PTPRD: variants seen among roughly 807,000 people sequenced by gnomAD.
The protein encoded by PTPRD is protein tyrosine phosphatase receptor type D.
Under a neutral mutation model 214.5 loss-of-function variants are expected in PTPRD, and 34 were observed. The ratio of observed to expected loss-of-function variants is 0.16; its 90% CI spans 0.12 to 0.21. The LOEUF (loss-of-function observed/expected upper bound fraction) is 0.21. Ranked by LOEUF, PTPRD falls within the 10% of genes least tolerant of loss-of-function variation. The pLI is 1.00. For synonymous variants in PTPRD, 1,128 were observed against 845.7 expected, an observed-to-expected ratio of 1.33 and a Z score of -5.79; for missense variants, 2,545 against 2,398.7, an observed-to-expected ratio of 1.06 and a Z score of -1.27.
intron 10 of PTPRD, among the ~76,000 whole-genome samples, chr9:9,039,453 G>C (rs1229349135): frequency 1.3e-5 from 2 of 152,124 alleles, no homozygotes; most frequent in Non-Finnish European, 2.9e-5. Context: ...CGAACACAGA[G>C]GCCTACAAAC....
intron 39 of PTPRD, among the ~76,000 whole-genome samples, chr9:8,369,580 T>C (rs1361642078): frequency 6.6e-6 from 1 of 151,648 alleles, no homozygotes; most frequent in Non-Finnish European, 1.5e-5. Flanking sequence ...ATGATTGTGA[T>C]AGATTTAAGT....
At chr9:9,819,718 T>G (rs56412351) in intron 5 of PTPRD, among the ~76,000 whole-genome samples, 35,859 of 151,986 alleles carry the variant, frequency 0.24, 4,944 homozygotes, top group African/African-American at 0.39. Context: ...TTCATGTCCA[T>G]GAGCATCCGA....
At chr9:9,618,348 A>G (rs2095030676) in intron 7 of PTPRD, among the ~76,000 whole-genome samples, 1 of 152,034 alleles carries the variant, frequency 6.6e-6, no homozygotes, top group Admixed American at 6.6e-5. Context: ...ATTAGAGACT[A>G]CACTTTAACC....
chr9:10,457,604 G>T (rs1399889298), intron 2 of PTPRD, among the ~76,000 whole-genome samples: 1 of 151,930 alleles, frequency 6.6e-6, no homozygotes, highest in Non-Finnish European at 1.5e-5. Flanking sequence ...AAATCTCTAG[G>T]TGAACTATTA....
At chr9:9,435,737 G>T (rs896207061) in intron 8 of PTPRD, among the ~76,000 whole-genome samples, 4 of 152,006 alleles carry the variant, frequency 2.6e-5, no homozygotes, top group African/African-American at 9.7e-5. Context: ...TTAATATTTG[G>T]TTTTCAATAC....
chr9:10,438,013 A>ATATATATAT lies in PTPRD; in HGVS notation c.-599-97005_-599-96997dup, dbSNP rs1287157620. ...CTATCAGCTCCCTAAGTCTACATATATATATATATATATATAGTGAAGGGT... is the reference window on the plus strand; with the variant it reads ...CTATCAGCTCCCTAAGTCTACATATATATATATATTATATATATATATATAGTGAAGGGT... On this transcript the variant is annotated intron_variant, in intron 2 of 45. Coordinates refer to ENST00000381196, the MANE Select transcript of PTPRD (RefSeq NM_002839.4). Among the ~76,000 whole-genome samples the ATATATATAT allele has an allele frequency of 2.2e-3, 266 of 120,114 alleles. 28 individuals are homozygous for ATATATATAT. Among genetic ancestry groups the ATATATATAT allele is most frequent in the African/African-American group, 0.016 (261 of 16,550 alleles). 78.8% of individuals were successfully genotyped at this position (120,114 alleles called of 152,430 possible).
At chr9:8,526,779 CT>C (rs1420520812) in intron 16 of PTPRD, 135 bp from the exon 17 acceptor site, 1 of 614,996 alleles carries the variant, frequency 1.6e-6, no homozygotes, top group East Asian at 3.0e-5. Flanking sequence ...ACTTGAATTA[CT>C]ATATTGGTAA....
At chr9:9,840,309 T>A (rs1394182667) in intron 5 of PTPRD, among the ~76,000 whole-genome samples, 1 of 152,160 alleles carries the variant, frequency 6.6e-6, no homozygotes, top group Non-Finnish European at 1.5e-5. Context: ...TGTATTTTCT[T>A]ATTTTTTCTA....
chr9:9,642,159 G>C (rs1208790671), intron 7 of PTPRD, among the ~76,000 whole-genome samples: 1 of 144,818 alleles, frequency 6.9e-6, no homozygotes, highest in African/African-American at 2.6e-5. Flanking sequence ...GTAAACTATC[G>C]CAAGAACAAA....
chr9:9,562,270 C>G (rs1383694361), intron 8 of PTPRD, among the ~76,000 whole-genome samples: 1 of 152,186 alleles, frequency 6.6e-6, no homozygotes, highest in East Asian at 1.9e-4. Context: ...ATTCTGCCAA[C>G]AAATCCTTCA....
intron 7 of PTPRD, among the ~76,000 whole-genome samples, chr9:9,617,092 T>A (rs528161533): frequency 6.6e-6 from 1 of 152,300 alleles, no homozygotes; most frequent in East Asian, 1.9e-4. Flanking sequence ...TTGTTATTCT[T>A]GTTATGTGAT....
intron 8 of PTPRD, among the ~76,000 whole-genome samples, chr9:9,561,127 C>A (rs866460720): frequency 4.6e-5 from 7 of 152,116 alleles, no homozygotes; most frequent in Admixed American, 6.5e-5. Flanking sequence ...CAATGATGGC[C>A]TTCCTATGTT....
intron 9 of PTPRD, among the ~76,000 whole-genome samples, chr9:9,200,930 TA>T (rs1431632609): frequency 1.3e-5 from 2 of 152,232 alleles, no homozygotes. Flanking sequence ...AAGCTATTAT[TA>T]AAAAGCTAAT....
At chr9:10,499,801 T>C (rs1386059734) in intron 2 of PTPRD, among the ~76,000 whole-genome samples, 1 of 151,902 alleles carries the variant, frequency 6.6e-6, no homozygotes, top group Non-Finnish European at 1.5e-5. Context: ...AAAAACTTTT[T>C]CATAATATTT....
chr9:9,766,216 A>G lies in PTPRD; in HGVS notation c.-326+594T>C, dbSNP rs182994554. Among the ~76,000 whole-genome samples the G allele has an allele frequency of 2.0e-5, 3 of 152,192 alleles. No individual in the cohort carries two copies. In the East Asian group the frequency reaches 5.8e-4, roughly 29 times the overall value. Reference sequence around the variant, plus strand: ...GTTATAGCTCATGATCTTTTCAATAATCTTTAATAACATCTTTTTTCATGA... The same window carrying G: ...GTTATAGCTCATGATCTTTTCAATAGTCTTTAATAACATCTTTTTTCATGA... On this transcript the variant is annotated intron_variant, in intron 6 of 45. Transcript: ENST00000381196.
chr9:8,685,186 A>G (rs1042852145), intron 12 of PTPRD, among the ~76,000 whole-genome samples: 17 of 152,180 alleles, frequency 1.1e-4, no homozygotes, highest in Non-Finnish European at 2.2e-4. Context: ...AACAAAGGCA[A>G]AAGATGAAAG....
chr9:8,740,982 G>T (rs773243831), intron 11 of PTPRD, among the ~76,000 whole-genome samples: 1 of 151,522 alleles, frequency 6.6e-6, no homozygotes, highest in Middle Eastern at 3.4e-3. Context: ...AATACACAGA[G>T]AAAAAAAAGT....
intron 5 of PTPRD, among the ~76,000 whole-genome samples, chr9:9,790,132 A>G (rs1597898519): frequency 6.6e-6 from 1 of 152,264 alleles, no homozygotes; most frequent in Admixed American, 6.5e-5. Context: ...TCTAGACTGT[A>G]CTATTCGTTA....
At chr9:10,345,238 A>G (rs908571175) in intron 2 of PTPRD, among the ~76,000 whole-genome samples, 29 of 152,186 alleles carry the variant, frequency 1.9e-4, no homozygotes, top group Non-Finnish European at 3.1e-4. Flanking sequence ...ACACATGGAA[A>G]TATATTTTCA....
Sources: gnomAD v4.1 joint callset for allele counts (sites outside exome capture counted in the v4.1 genomes callset) on GRCh38, gnomAD v4.1.1 for gene constraint, MANE v1.5 for transcripts, NCBI Gene and HGNC (gene_info 2026-07-23, HGNC 2026-07-21) for gene names.